ATF7IP2: variants seen among roughly 807,000 people sequenced by gnomAD.
ATF7IP2 encodes activating transcription factor 7-interacting protein 2.
A neutral mutation model predicts 64.2 loss-of-function variants in ATF7IP2; 42 were observed. That is an observed-to-expected ratio of 0.65 (90% CI 0.51 to 0.85). ATF7IP2 has a LOEUF of 0.85. ATF7IP2 is among the 40% of genes least tolerant of loss of function. The pLI is 0.00. For missense variants in ATF7IP2, 933 were observed against 784.2 expected, an observed-to-expected ratio of 1.19 and a Z score of -2.27; for synonymous variants, 308 against 272.8, an observed-to-expected ratio of 1.13 and a Z score of -1.27.
chr16:10,397,284 G>A (rs1023844295), intron 1 of ATF7IP2, among the ~76,000 whole-genome samples: 8 of 151,946 alleles, frequency 5.3e-5, no homozygotes, highest in African/African-American at 1.9e-4. Context: ...TATTCTTTTT[G>A]CTTAAGATTG....
chr16:10,398,939 C>T lies in ATF7IP2; in HGVS notation c.-242+12817C>T, dbSNP rs552670214. Among the ~76,000 whole-genome samples the T allele has an allele frequency of 2.0e-5, 3 of 152,244 alleles. No individual in the cohort carries two copies. The South Asian group carries it at 6.2e-4, about 32-fold the overall frequency. ...GACCAGCCTGACCAACCTGGAGAAA[C>T]CCCATCTCTACTAAAAATGCAAAAT... On this transcript the variant is annotated intron_variant, in intron 1 of 13. Coordinates refer to ENST00000562102, the MANE Select transcript of ATF7IP2 (RefSeq NM_001393719.1).
intron 5 of ATF7IP2, among the ~76,000 whole-genome samples, chr16:10,433,117 G>A (rs1408255910): frequency 6.6e-6 from 1 of 152,094 alleles, no homozygotes; most frequent in African/African-American, 2.4e-5. Flanking sequence ...AAATGCTGCA[G>A]TGTCACATTT....
intron 7 of ATF7IP2, among the ~76,000 whole-genome samples, chr16:10,439,946 G>A (rs931875597): frequency 2.0e-5 from 3 of 151,776 alleles, no homozygotes; most frequent in African/African-American, 7.3e-5. Context: ...GGTGGATGCT[G>A]GGGTCAGGAG....
chr16:10,473,421 T>G, intron 10 of ATF7IP2, 58 bp from the exon 11 acceptor site: 2 of 1,087,570 alleles, frequency 1.8e-6, no homozygotes, highest in Non-Finnish European at 2.8e-6. Context: ...AGCATTCATA[T>G]TTCACAAAGC....
At chr16:10,456,121 C>T (rs560410573) in intron 8 of ATF7IP2, among the ~76,000 whole-genome samples, 25 of 151,790 alleles carry the variant, frequency 1.6e-4, no homozygotes, top group Non-Finnish European at 3.1e-4. Context: ...CTGGGATTAC[C>T]GGGGTGTATG....
intron 8 of ATF7IP2, among the ~76,000 whole-genome samples, chr16:10,440,939 C>A (rs978507865): frequency 9.2e-5 from 14 of 152,064 alleles, no homozygotes; most frequent in African/African-American, 3.1e-4. Flanking sequence ...GTGTGGTGTT[C>A]CCCTCCGTGT....
chr16:10,458,025 T>C (rs2049241866), intron 9 of ATF7IP2, among the ~76,000 whole-genome samples: 1 of 152,200 alleles, frequency 6.6e-6, no homozygotes, highest in South Asian at 2.1e-4. Flanking sequence ...TACTTGAGTT[T>C]TTAAAAAGAG....
chr16:10,480,231 C>CCT (rs2050173225), intron 12 of ATF7IP2, among the ~76,000 whole-genome samples: 1 of 151,972 alleles, frequency 6.6e-6, no homozygotes, highest in Non-Finnish European at 1.5e-5. Flanking sequence ...AAGTCATCTG[C>CCT]GTCCTAAAGT....
At chr16:10,466,080 T>G (rs2049559057) in intron 9 of ATF7IP2, among the ~76,000 whole-genome samples, 1 of 152,186 alleles carries the variant, frequency 6.6e-6, no homozygotes, top group Non-Finnish European at 1.5e-5. Flanking sequence ...TGTTTTTGCT[T>G]TATTTTTGCC....
chr16:10,453,615 C>A (rs1221736891), intron 8 of ATF7IP2, among the ~76,000 whole-genome samples: 2 of 152,116 alleles, frequency 1.3e-5, no homozygotes, highest in Non-Finnish European at 2.9e-5. Flanking sequence ...AAGGAGCTTT[C>A]TTTGTTTATT....
intron 8 of ATF7IP2, among the ~76,000 whole-genome samples, chr16:10,441,013 G>A (rs556472733): frequency 6.6e-6 from 1 of 152,242 alleles, no homozygotes; most frequent in Non-Finnish European, 1.5e-5. Context: ...TTGGTTTTCT[G>A]TTCTCGTGTT....
chr16:10,392,354 T>A (rs1440038683), intron 1 of ATF7IP2, among the ~76,000 whole-genome samples: 3 of 150,788 alleles, frequency 2.0e-5, no homozygotes, highest in African/African-American at 7.3e-5. Flanking sequence ...TTTTTTTTTT[T>A]AAACTGGAGA....
At chr16:10,412,010 G>GTT (rs71133351) in intron 1 of ATF7IP2, among the ~76,000 whole-genome samples, 10 of 58,380 alleles carry the variant, frequency 1.7e-4, no homozygotes, top group African/African-American at 5.5e-4. Flanking sequence ...ATCTTTTTTT[G>GTT]TTTTTTTTTT....
rs746476546 is a variant in ATF7IP2, at chr16:10,482,065, A to G, written c.1865A>G (p.Asn622Ser). Residue 622 changes from asparagine to serine, a missense_variant, in exon 14 of 14, where the codon AAT becomes AGT. Asn to Ser is a conservative substitution (Grantham distance 46). Transcript: ENST00000562102. ...TTCCTGTGTCATGAGAACTCTAATA[A>G]TAAGTTGATTTGGAAGAAGATTGGA... ...HLFLCHENSN[N>S]KLIWKKIGEI... is the part of the protein sequence containing the mutation. 5.0e-6 allele frequency: 8 copies of G among 1,614,054 alleles called. No homozygotes were observed. The highest frequency in any genetic ancestry group is 2.2e-5 in the East Asian group (1 of 44,876).
chr16:10,410,352 GT>G (rs1555505552), intron 1 of ATF7IP2, among the ~76,000 whole-genome samples: 1 of 129,876 alleles, frequency 7.7e-6, no homozygotes, highest in Non-Finnish European at 1.7e-5. Flanking sequence ...GTTTTGTTTT[GT>G]TTTGTTTTTG....
At chr16:10,468,603 T>C (rs578115801) in intron 9 of ATF7IP2, among the ~76,000 whole-genome samples, 1 of 152,216 alleles carries the variant, frequency 6.6e-6, no homozygotes, top group South Asian at 2.1e-4. Context: ...AGGTCAGAGA[T>C]TGGAGAATCT....
chr16:10,399,140 A>G (rs1251437834), intron 1 of ATF7IP2, among the ~76,000 whole-genome samples: 1 of 152,134 alleles, frequency 6.6e-6, no homozygotes, highest in East Asian at 1.9e-4. Context: ...CTATTGTTCT[A>G]TTGTGCAAAA....
chr16:10,459,540 G>C (rs143059472), intron 9 of ATF7IP2, among the ~76,000 whole-genome samples: 1 of 151,200 alleles, frequency 6.6e-6, no homozygotes, highest in Admixed American at 6.6e-5. Flanking sequence ...CCAGCTACTC[G>C]GGAGGCTGAC....
At chr16:10,444,988 G>A (rs965890108) in intron 8 of ATF7IP2, among the ~76,000 whole-genome samples, 1 of 152,230 alleles carries the variant, frequency 6.6e-6, no homozygotes, top group African/African-American at 2.4e-5. Flanking sequence ...GTATTTCTGT[G>A]TAATCAGTTT....
Sources: gnomAD v4.1 joint callset for allele counts (sites outside exome capture counted in the v4.1 genomes callset) on GRCh38, gnomAD v4.1.1 for gene constraint, MANE v1.5 for transcripts, NCBI Gene and HGNC (gene_info 2026-07-23, HGNC 2026-07-21) for gene names.